KCNH8: variants seen among roughly 807,000 people sequenced by gnomAD.
KCNH8 encodes potassium voltage-gated channel subfamily H member 8.
KCNH8 carries 70 observed loss-of-function variants against 103.6 expected under a neutral mutation model. The ratio of observed to expected loss-of-function variants is 0.68; its 90% CI spans 0.56 to 0.82. The LOEUF is 0.82. Ranked by LOEUF, KCNH8 falls within the 40% of genes least tolerant of loss-of-function variation. KCNH8 has a pLI of 0.00. For synonymous variants in KCNH8, 498 were observed against 489.4 expected (o/e 1.02, Z -0.23); for missense variants, 1,217 against 1,329.9 (o/e 0.92, Z 1.32).
At chr3:19,342,849 T>A in intron 4 of KCNH8, 135 bp downstream of exon 4, 3 of 760,062 alleles carry the variant, frequency 3.9e-6, no homozygotes, top group Admixed American at 2.6e-5. Context: ...TGTGCTTTTC[T>A]ATAAAGAACA....
rs189046486 is a variant in KCNH8 at position 19,290,841 on chromosome 3, C to G, written c.442+9512C>G. 2.5e-3 allele frequency among the ~76,000 whole-genome samples: 376 copies of G among 152,218 alleles called. 2 individuals are homozygous for G. Among genetic ancestry groups the G allele is most frequent in the Admixed American group, 7.7e-3 (118 of 15,296 alleles). On this transcript the variant is annotated intron_variant, in intron 3 of 15. Coordinates refer to ENST00000328405, the MANE Select transcript of KCNH8 (RefSeq NM_144633.3). ...AGAATGGTACCAGCTCCTCTTTGTA[C>G]CTGTGGTAGAATTCGGCTATGAATC...
At chr3:19,399,409 A>G (rs1267855882) in intron 7 of KCNH8, among the ~76,000 whole-genome samples, 1 of 151,990 alleles carries the variant, frequency 6.6e-6, no homozygotes, top group Non-Finnish European at 1.5e-5. Flanking sequence ...GGTTTAATCA[A>G]TGATATTGAA....
At chr3:19,165,495 G>A (rs1025757509) in intron 1 of KCNH8, among the ~76,000 whole-genome samples, 4 of 151,738 alleles carry the variant, frequency 2.6e-5, no homozygotes, top group Admixed American at 6.6e-5. Flanking sequence ...TTGGTCATTA[G>A]CAAGCTTTGG....
At chr3:19,465,513 C>T (rs1279881114) in intron 11 of KCNH8, among the ~76,000 whole-genome samples, 1 of 152,078 alleles carries the variant, frequency 6.6e-6, no homozygotes, top group Non-Finnish European at 1.5e-5. Flanking sequence ...AGTTCTCATG[C>T]CTGCTAACAC....
At chr3:19,320,324 G>A (rs1481596964) in intron 3 of KCNH8, among the ~76,000 whole-genome samples, 3 of 151,938 alleles carry the variant, frequency 2.0e-5, no homozygotes, top group Admixed American at 6.6e-5. Flanking sequence ...TTACCTTAAG[G>A]TATGACCCTT....
chr3:19,200,822 TAA>T (rs1199103448), intron 1 of KCNH8, among the ~76,000 whole-genome samples: 1 of 152,110 alleles, frequency 6.6e-6, no homozygotes, highest in Non-Finnish European at 1.5e-5. Flanking sequence ...TTTCTGTCCT[TAA>T]AGTTTTGCTT....
At chr3:19,403,394 ATATAT>A (rs1559311323) in intron 7 of KCNH8, among the ~76,000 whole-genome samples, 11 of 102,680 alleles carry the variant, frequency 1.1e-4, no homozygotes, top group African/African-American at 3.6e-4. Context: ...ATATATATAT[ATATAT>A]AAAATCCTTC....
At chr3:19,149,721 C>G (rs960978189) in intron 1 of KCNH8, among the ~76,000 whole-genome samples, 1 of 152,152 alleles carries the variant, frequency 6.6e-6, no homozygotes, top group African/African-American at 2.4e-5. Context: ...GGTTTCACTA[C>G]GAATATCCTC....
At chr3:19,261,219 G>A (rs1457598018) in intron 2 of KCNH8, among the ~76,000 whole-genome samples, 1 of 151,604 alleles carries the variant, frequency 6.6e-6, no homozygotes, top group Non-Finnish European at 1.5e-5. Flanking sequence ...CCTACCAACA[G>A]TTTAGAAGGG....
At position 19,522,301 on chromosome 3, in the gene KCNH8, C is replaced by T. The variant is rs140790412; in HGVS notation, c.2619+4227C>T. Among the ~76,000 whole-genome samples the T allele has an allele frequency of 1.6e-3, 247 of 151,670 alleles. 1 individual carries two copies. The highest frequency in any genetic ancestry group is 2.2e-3 in the Non-Finnish European group (148 of 67,774). On this transcript the variant is annotated intron_variant, in intron 15 of 15. Transcript: ENST00000328405. ...TGATGGTGTAGTTCCATTCTAATTC[C>T]GAAGTCCTAAAAACCAGGAGAGCCA...
At chr3:19,468,172 C>G (rs2067782396) in intron 11 of KCNH8, among the ~76,000 whole-genome samples, 1 of 152,160 alleles carries the variant, frequency 6.6e-6, no homozygotes, top group African/African-American at 2.4e-5. Flanking sequence ...TGATTAGTTT[C>G]TCCTACCAAA....
At chr3:19,459,052 A>G (rs1366133138) in intron 11 of KCNH8, among the ~76,000 whole-genome samples, 7 of 152,062 alleles carry the variant, frequency 4.6e-5, no homozygotes, top group Non-Finnish European at 1.0e-4. Flanking sequence ...TAATGCTGCA[A>G]TGAAAATGGG....
chr3:19,334,250 C>T (rs2065551378), intron 3 of KCNH8, among the ~76,000 whole-genome samples: 1 of 152,268 alleles, frequency 6.6e-6, no homozygotes, highest in African/African-American at 2.4e-5. Context: ...GCTATAGACT[C>T]CAGGCTTTTA....
At chr3:19,270,696 T>C (rs1477152390) in intron 2 of KCNH8, among the ~76,000 whole-genome samples, 1 of 152,138 alleles carries the variant, frequency 6.6e-6, no homozygotes, top group African/African-American at 2.4e-5. Context: ...TGGCACAGTG[T>C]TCACAAGTCT....
chr3:19,195,416 C>A (rs576187075), intron 1 of KCNH8, among the ~76,000 whole-genome samples: 4 of 151,650 alleles, frequency 2.6e-5, no homozygotes, highest in Non-Finnish European at 5.9e-5. Context: ...CCCCTTTTTT[C>A]CCTCACAGTA....
intron 1 of KCNH8, among the ~76,000 whole-genome samples, chr3:19,236,949 A>G (rs2064074144): frequency 6.6e-6 from 1 of 152,228 alleles, no homozygotes; most frequent in African/African-American, 2.4e-5. Context: ...TTTTGACCTA[A>G]TTCCTTTGGA....
chr3:19,381,012 TTTC>T (rs1260161394), intron 5 of KCNH8, among the ~76,000 whole-genome samples: 1 of 152,222 alleles, frequency 6.6e-6, no homozygotes, highest in Non-Finnish European at 1.5e-5. Flanking sequence ...TATAGAACAT[TTTC>T]TTCTATTTCA....
At chr3:19,178,352 C>G (rs2063420309) in intron 1 of KCNH8, among the ~76,000 whole-genome samples, 1 of 152,040 alleles carries the variant, frequency 6.6e-6, no homozygotes, top group Non-Finnish European at 1.5e-5. Flanking sequence ...GGTCCTAACT[C>G]AGTGCTGAAA....
At chr3:19,416,525 A>T (rs2066865541) in intron 7 of KCNH8, among the ~76,000 whole-genome samples, 1 of 152,076 alleles carries the variant, frequency 6.6e-6, no homozygotes, top group East Asian at 1.9e-4. Context: ...TTGTGTTCTA[A>T]GTTTCTGTTC....
Sources: gnomAD v4.1 joint callset for allele counts (sites outside exome capture counted in the v4.1 genomes callset) on GRCh38, gnomAD v4.1.1 for gene constraint, MANE v1.5 for transcripts, NCBI Gene and HGNC (gene_info 2026-07-23, HGNC 2026-07-21) for gene names.